The following AP2A2 variants were observed in gnomAD, a reference collection of about 807,000 sequenced individuals.
AP2A2 encodes the protein adaptor related protein complex 2 subunit alpha 2.
A neutral mutation model predicts 104.2 loss-of-function variants in AP2A2; 32 were observed. The ratio of observed to expected loss-of-function variants is 0.31; its 90% CI spans 0.23 to 0.41. The LOEUF (loss-of-function observed/expected upper bound fraction) is 0.41. AP2A2 is among the 10% of genes least tolerant of loss of function. AP2A2 has a pLI of 1.00. For missense variants in AP2A2, 912 were observed against 1,261.0 expected (o/e 0.72, Z 4.19); for synonymous variants, 539 against 533.3 (o/e 1.01, Z -0.15).
At chr11:962,357 G>A (rs117364724) in intron 2 of AP2A2, among the ~76,000 whole-genome samples, 10,446 of 152,316 alleles carry the variant, frequency 0.069, 437 homozygotes, top group South Asian at 0.11. Context: ...GATGAAATTC[G>A]AATGGGAGGT....
Position 985,344 on chromosome 11 carries a change from T to C in AP2A2, c.815-91T>C, listed in dbSNP as rs562034407. 23 of 1,458,610 alleles carry C rather than the reference T, an allele frequency of 1.6e-5. No individual in the cohort carries two copies. The East Asian group carries it at 3.7e-4, about 23-fold the overall frequency. The allele number at this position is 1,458,610 out of a possible 1,614,324, so 90.4% of individuals were successfully genotyped here. A position where few individuals can be genotyped will look rare whatever the true frequency, so the allele number is the denominator to read the frequency against. On this transcript the variant is annotated intron_variant, in intron 7 of 21. Transcript: ENST00000448903. ...AAATGTGAATGAACTATATTAAAAA[T>C]GCTCTCATGATGTATGGGTGCAGCC...
chr11:945,897 G>T (rs1400872621), intron 1 of AP2A2, among the ~76,000 whole-genome samples: 1 of 152,186 alleles, frequency 6.6e-6, no homozygotes, highest in Admixed American at 6.5e-5. Context: ...GATTGCTTTG[G>T]TCCAGAGGAG....
chr11:942,093 AT>A (rs1387234854), intron 1 of AP2A2, among the ~76,000 whole-genome samples: 1 of 151,962 alleles, frequency 6.6e-6, no homozygotes, highest in Non-Finnish European at 1.5e-5. Context: ...TGCCCGGCTA[AT>A]TTTTTGTATT....
rs1006216264 is a variant in AP2A2 at position 977,037 on chromosome 11, G to A, written c.474-58G>A. 3.3e-5 allele frequency: 53 copies of A among 1,606,428 alleles called. No individual in the cohort carries two copies. In the African/African-American group the frequency reaches 6.6e-4, roughly 20 times the overall value. On this transcript the variant is annotated intron_variant, in intron 4 of 21. Coordinates refer to ENST00000448903, the MANE Select transcript of AP2A2 (RefSeq NM_012305.4). ...CCTGCTGGCTCTGGGGGGGTGCTCC[G>A]TGCAGCTCTGCGCTGTCTTCAGCCT...
intron 14 of AP2A2, among the ~76,000 whole-genome samples, chr11:998,255 C>T (rs1404883318): frequency 4.6e-5 from 7 of 152,232 alleles, no homozygotes; most frequent in East Asian, 3.9e-4. Flanking sequence ...AGAGGTGCTC[C>T]GTCACAAGAG....
At chr11:933,323 T>C (rs1853349509) in intron 1 of AP2A2, among the ~76,000 whole-genome samples, 1 of 152,222 alleles carries the variant, frequency 6.6e-6, no homozygotes, top group Non-Finnish European at 1.5e-5. Context: ...GGCCACATGA[T>C]GTCCCAGACT....
At chr11:988,347 G>A (rs932858995) in intron 9 of AP2A2, among the ~76,000 whole-genome samples, 20 of 152,334 alleles carry the variant, frequency 1.3e-4, no homozygotes, top group African/African-American at 4.1e-4. Flanking sequence ...TGGCCTGTGC[G>A]GGAGGGCCGG....
chr11:952,111 C>T (rs7394681), intron 1 of AP2A2, among the ~76,000 whole-genome samples: 77,255 of 152,056 alleles, frequency 0.51, 20,251 homozygotes, highest in Middle Eastern at 0.66. Context: ...TCAAAACAGC[C>T]CTCCCACTTC....
At chr11:991,873 T>G (rs964586566) in intron 10 of AP2A2, among the ~76,000 whole-genome samples, 1 of 152,094 alleles carries the variant, frequency 6.6e-6, no homozygotes, top group Non-Finnish European at 1.5e-5. Flanking sequence ...CGAAGGGGGC[T>G]TGGTTCCAGG....
chr11:997,616 C>T (rs979171347), intron 14 of AP2A2, among the ~76,000 whole-genome samples: 1 of 152,154 alleles, frequency 6.6e-6, no homozygotes, highest in Non-Finnish European at 1.5e-5. Flanking sequence ...AGTTAAAAGC[C>T]ATAGATGGCT....
chr11:951,437 G>C (rs1485615358), intron 1 of AP2A2, among the ~76,000 whole-genome samples: 1 of 151,932 alleles, frequency 6.6e-6, no homozygotes, highest in African/African-American at 2.4e-5. Context: ...TGAGGCAGGA[G>C]AATTGCTTGA....
At chr11:985,621 C>T (rs769361813) in intron 8 of AP2A2, 39 bp downstream of exon 8, 23 of 1,612,542 alleles carry the variant, frequency 1.4e-5, no homozygotes, top group Admixed American at 3.3e-5. Flanking sequence ...GTCTCGCGCA[C>T]ACACACACGT....
chr11:1,001,893 G>A (rs1043206050), intron 15 of AP2A2, among the ~76,000 whole-genome samples: 7 of 152,198 alleles, frequency 4.6e-5, no homozygotes, highest in Admixed American at 6.5e-5. Context: ...TTGTGCATGC[G>A]GCCGTCTTGG....
chr11:991,544 G>A (rs1398446767), intron 10 of AP2A2, among the ~76,000 whole-genome samples: 6 of 152,318 alleles, frequency 3.9e-5, no homozygotes, highest in East Asian at 1.9e-4. Flanking sequence ...AGGCAGGGGT[G>A]GAAGCAGACA....
chr11:977,532 C>T (rs1052523218), intron 5 of AP2A2, among the ~76,000 whole-genome samples: 5 of 150,204 alleles, frequency 3.3e-5, no homozygotes, highest in Non-Finnish European at 5.9e-5. Flanking sequence ...CCTGGTGTCC[C>T]GGCTGCCTGT....
Position 926,021 on chromosome 11 carries a change from G to C in AP2A2, c.-1G>C. 6.4e-6 allele frequency: 9 copies of C among 1,409,094 alleles called. No homozygotes were observed. The highest frequency in any genetic ancestry group is 7.5e-6 in the Non-Finnish European group (8 of 1,069,458). The allele number at this position is 1,409,094 out of a possible 1,614,324, so 87.3% of individuals were successfully genotyped here. On this transcript the variant is annotated 5_prime_UTR_variant, in exon 1 of 22. Coordinates refer to ENST00000448903, the MANE Select transcript of AP2A2 (RefSeq NM_012305.4). The stretch of plus-strand genomic sequence containing the variant: ...CCGAGGCCGCTCCCGAGCGTCGGAA[G>C]ATGCCGGCCGTGTCCAAGGGGGACG...
chr11:948,544 A>G (rs1205761055), intron 1 of AP2A2: 5 of 152,222 alleles, frequency 3.3e-5, no homozygotes, highest in Non-Finnish European at 7.3e-5. Flanking sequence ...TAGACTTATA[A>G]TAAGTAAATA....
intron 1 of AP2A2, among the ~76,000 whole-genome samples, chr11:936,608 G>A (rs1015348194): frequency 2.6e-5 from 4 of 151,576 alleles, no homozygotes; most frequent in Non-Finnish European, 4.4e-5. Flanking sequence ...GGCTGATAAC[G>A]AACTCCTAGG....
At chr11:950,206 A>G (rs1219769778) in intron 1 of AP2A2, among the ~76,000 whole-genome samples, 1 of 152,086 alleles carries the variant, frequency 6.6e-6, no homozygotes, top group Admixed American at 6.6e-5. Flanking sequence ...ACCTTACACT[A>G]TGCACAAGAA....
Sources: gnomAD v4.1 joint callset for allele counts (sites outside exome capture counted in the v4.1 genomes callset) on GRCh38, gnomAD v4.1.1 for gene constraint, MANE v1.5 for transcripts, NCBI Gene and HGNC (gene_info 2026-07-23, HGNC 2026-07-21) for gene names.